PHF21B: variants seen among roughly 807,000 people sequenced by gnomAD.
PHF21B encodes PHD finger protein 4.
PHF21B carries 22 observed loss-of-function variants against 62.2 expected under a neutral mutation model. The observed-to-expected ratio is 0.35, with a 90% CI of 0.25 to 0.51. PHF21B has a LOEUF of 0.51. Among genes scored for constraint, PHF21B ranks in the 20% least tolerant of loss-of-function variants. The probability of loss-of-function intolerance (pLI) is 0.97; values close to 1 mark genes in which losing one functional copy is unlikely to be tolerated. For missense variants in PHF21B, 701 were observed against 707.9 expected, an observed-to-expected ratio of 0.99 and a Z score of 0.11; for synonymous variants, 341 against 314.7, an observed-to-expected ratio of 1.08 and a Z score of -0.88.
chr22:44,888,814 A>AGGCGGTTGTCACACAGGGAGG (rs2070907752), intron 9 of PHF21B, among the ~76,000 whole-genome samples: 1 of 152,086 alleles, frequency 6.6e-6, no homozygotes, highest in Admixed American at 6.5e-5. Context: ...AGGGAGGGAG[A>AGGCGGTTGTCACACAGGGAGG]GGCGGTTGTC....
At position 44,896,889 on chromosome 22, in the gene PHF21B, T is replaced by TTTTTTGTTTTTG. The variant is rs1440181401; in HGVS notation, c.832-807_832-806insCAAAAACAAAAA. On this transcript the variant is annotated intron_variant, in intron 5 of 12. Coordinates refer to ENST00000313237, the MANE Select transcript of PHF21B (RefSeq NM_138415.5). ...GCACTTAGTTTTATCTGTTTTTTTTTTTTTTTTGAGACAGGTTCTCACTCT... is the reference window on the plus strand; with the variant it reads ...GCACTTAGTTTTATCTGTTTTTTTTTTTTTTGTTTTTGTTTTTTTGAGACAGGTTCTCACTCT... Among the ~76,000 whole-genome samples, 12 of 144,306 alleles carry TTTTTTGTTTTTG rather than the reference T, an allele frequency of 8.3e-5. 1 individual carries two copies. Among genetic ancestry groups the TTTTTTGTTTTTG allele is most frequent in the South Asian group, 2.3e-4 (1 of 4,424 alleles). The allele number at this position is 144,306 out of a possible 152,430, so 94.7% of individuals were successfully genotyped here.
intron 2 of PHF21B, among the ~76,000 whole-genome samples, chr22:44,927,887 TA>T: frequency 6.6e-6 from 1 of 152,062 alleles, no homozygotes; most frequent in East Asian, 1.9e-4. Flanking sequence ...AGCATTTTAA[TA>T]GGGGGTAAAA....
chr22:44,967,660 A>C (rs1330528924), intron 2 of PHF21B, among the ~76,000 whole-genome samples: 1 of 152,214 alleles, frequency 6.6e-6, no homozygotes, highest in African/African-American at 2.4e-5. Flanking sequence ...GGCCTGGTGC[A>C]TCTGCCTCCA....
intron 5 of PHF21B, among the ~76,000 whole-genome samples, chr22:44,899,072 A>G (rs930300585): frequency 1.3e-5 from 2 of 152,156 alleles, no homozygotes; most frequent in African/African-American, 4.8e-5. Context: ...GAGGATTAGA[A>G]TATCCCTTCA....
In PHF21B at chr22:44,965,439, C is replaced by G. The variant is rs1007084916; in HGVS notation, c.120+43106G>C. ...CCAGAACTCAGTCACCCTGCCCCAC[C>G]CTCCCTACCCCATAGGTTCTGCCAC... On this transcript the variant is annotated intron_variant, in intron 2 of 12. Coordinates refer to ENST00000313237, the MANE Select transcript of PHF21B (RefSeq NM_138415.5). 2.4e-4 allele frequency among the ~76,000 whole-genome samples: 37 copies of G among 151,948 alleles called. 1 individual carries two copies. Among genetic ancestry groups the G allele is most frequent in the Non-Finnish European group, 7.4e-5 (5 of 67,980 alleles).
chr22:44,906,495 T>G (rs1569219035), intron 5 of PHF21B, among the ~76,000 whole-genome samples: 1 of 152,200 alleles, frequency 6.6e-6, no homozygotes, highest in East Asian at 1.9e-4. Flanking sequence ...TTGCTCCGAC[T>G]GCCCTTTGCA....
intron 2 of PHF21B, among the ~76,000 whole-genome samples, chr22:44,975,289 GCAC>G (rs1323050712): frequency 6.6e-6 from 1 of 152,172 alleles, no homozygotes; most frequent in Non-Finnish European, 1.5e-5. Context: ...GGAGTGACCA[GCAC>G]CTGCCTGGCC....
chr22:44,908,407 T>C (rs1027557740), intron 5 of PHF21B, among the ~76,000 whole-genome samples: 3 of 152,124 alleles, frequency 2.0e-5, no homozygotes, highest in Non-Finnish European at 2.9e-5. Context: ...GTTCCCCACA[T>C]GGGCCTTATG....
At chr22:44,916,226 G>C (rs2071428955) in intron 4 of PHF21B, 54 bp downstream of exon 4, 4 of 1,524,512 alleles carry the variant, frequency 2.6e-6, no homozygotes, top group Admixed American at 4.1e-5. Context: ...GATTGCTCTC[G>C]GCCTCCTGTA....
At position 44,937,447 on chromosome 22, in the gene PHF21B, C is replaced by T. The variant is rs117270197; in HGVS notation, c.121-16957G>A. Among the ~76,000 whole-genome samples, 1,319 of 152,304 alleles carry T rather than the reference C, an allele frequency of 8.7e-3. 8 individuals are homozygous for T. The highest frequency in any genetic ancestry group is 0.024 in the Middle Eastern group (7 of 294). ...CCAAGTGGGCTGAGCTGGGCCATCA[C>T]GGAGTAGCCGGGTCTCTCACAAACC... On this transcript the variant is annotated intron_variant, in intron 2 of 12. Coordinates refer to ENST00000313237, the MANE Select transcript of PHF21B (RefSeq NM_138415.5).
At chr22:44,896,182 A>T (rs1337898951) in intron 5 of PHF21B, 99 bp from the exon 6 acceptor site, 1 of 1,327,130 alleles carries the variant, frequency 7.5e-7, no homozygotes, top group African/African-American at 1.4e-5. Context: ...GCGATACCTC[A>T]TGGGTGCCCT....
At chr22:44,942,841 C>T (rs1277883187) in intron 2 of PHF21B, among the ~76,000 whole-genome samples, 1 of 152,166 alleles carries the variant, frequency 6.6e-6, no homozygotes, top group Non-Finnish European at 1.5e-5. Context: ...CCCAGCTGGA[C>T]CTGAGTTTCC....
At chr22:44,962,751 T>A (rs1444708097) in intron 2 of PHF21B, among the ~76,000 whole-genome samples, 1 of 152,008 alleles carries the variant, frequency 6.6e-6, no homozygotes. Flanking sequence ...CATGCCTGGA[T>A]GAAGAGCTGC....
At position 44,882,783 on chromosome 22, in the gene PHF21B, G is replaced by C. The variant is rs1168003620; in HGVS notation, c.*303C>G. 1 of 339,788 alleles carries C rather than the reference G, an allele frequency of 2.9e-6. No homozygotes were observed. The highest frequency in any genetic ancestry group is 2.1e-5 in the African/African-American group (1 of 46,832). The allele number at this position is 339,788 out of a possible 1,614,324, so 21.0% of individuals were successfully genotyped here. On this transcript the variant is annotated 3_prime_UTR_variant, in exon 13 of 13. Coordinates refer to ENST00000313237, the MANE Select transcript of PHF21B (RefSeq NM_138415.5). ...ACGGGCCAGAGGGAGGCCGTGGAGA[G>C]CAGGGCCTGGAAGCCAGAGGCCCAG...
At chr22:44,889,510 A>G (rs563199215) in intron 9 of PHF21B, among the ~76,000 whole-genome samples, 45 of 152,294 alleles carry the variant, frequency 3.0e-4, no homozygotes, top group African/African-American at 9.4e-4. Flanking sequence ...TGCATCCTCA[A>G]TTCTGAGGAG....
intron 2 of PHF21B, among the ~76,000 whole-genome samples, chr22:44,949,064 A>C (rs1326593591): frequency 1.3e-5 from 2 of 152,156 alleles, no homozygotes; most frequent in African/African-American, 4.8e-5. Flanking sequence ...GCACTTTGGG[A>C]GGTGGAGGCA....
At chr22:45,001,650 T>C (rs745351822) in intron 2 of PHF21B, among the ~76,000 whole-genome samples, 4 of 152,230 alleles carry the variant, frequency 2.6e-5, no homozygotes, top group Non-Finnish European at 4.4e-5. Flanking sequence ...ACTCACAACA[T>C]ACCGCTCCAC....
chr22:44,947,503 G>A (rs2072098509), intron 2 of PHF21B, among the ~76,000 whole-genome samples: 1 of 152,226 alleles, frequency 6.6e-6, no homozygotes, highest in African/African-American at 2.4e-5. Flanking sequence ...CCTGGCAGAG[G>A]GAAGGGCTCT....
chr22:44,906,784 C>T (rs1020216160), intron 5 of PHF21B, among the ~76,000 whole-genome samples: 24 of 152,360 alleles, frequency 1.6e-4, no homozygotes, highest in Admixed American at 5.2e-4. Context: ...ACTGTGCAGC[C>T]GCCGTGACGA....
Sources: allele counts gnomAD v4.1 joint callset (sites outside exome capture counted in the v4.1 genomes callset), GRCh38; gene constraint gnomAD v4.1.1; transcripts MANE v1.5; gene names NCBI Gene and HGNC (gene_info 2026-07-23, HGNC 2026-07-21).